Variants in ARHGEF28 observed in about 807,000 individuals in gnomAD.
The protein encoded by ARHGEF28 is 190 kDa guanine nucleotide exchange factor.
ARHGEF28 carries 152 observed loss-of-function variants against 206.6 expected under a neutral mutation model. The ratio of observed to expected loss-of-function variants is 0.74; its 90% CI spans 0.64 to 0.84. The LOEUF is 0.84. ARHGEF28 is among the 40% of genes least tolerant of loss of function. The pLI is 0.00. For synonymous variants in ARHGEF28, 763 were observed against 776.4 expected, an observed-to-expected ratio of 0.98 and a Z score of 0.29; for missense variants, 2,028 against 2,073.2, an observed-to-expected ratio of 0.98 and a Z score of 0.42.
intron 7 of ARHGEF28, among the ~76,000 whole-genome samples, chr5:73,791,313 A>G (rs1415972190): frequency 6.6e-6 from 1 of 152,244 alleles, no homozygotes; most frequent in African/African-American, 2.4e-5. Flanking sequence ...CATGTATGCC[A>G]GAGAGGCACA....
Position 73,909,677 on chromosome 5 carries a change from A to G in ARHGEF28, c.4427A>G (p.Glu1476Gly). 1 of 1,540,278 alleles carries G rather than the reference A, an allele frequency of 6.5e-7. No homozygotes were observed. The highest frequency in any genetic ancestry group is 1.2e-5 in the South Asian group (1 of 83,778). Residue 1476 changes from glutamate (E) to glycine (G), a missense_variant, in exon 34 of 36, where the codon GAG (glutamate) becomes GGG (glycine). This residue lies in a region of ARHGEF28 where 803 missense variants were observed against 768.0 expected (regional missense o/e 1.05). Coordinates refer to ENST00000513042, the MANE Select transcript of ARHGEF28 (RefSeq NM_001177693.2). ...ATRESWLQER[E>G]RECQSQEELL... ...AGGGAGAGCTGGCTGCAGGAGCGGG[A>G]GCGGGAGTGCCAGTCGCAGGAGGAG...
chr5:73,759,438 C>T (rs1034281814), intron 4 of ARHGEF28, among the ~76,000 whole-genome samples: 12 of 152,144 alleles, frequency 7.9e-5, no homozygotes, highest in African/African-American at 2.9e-4. Flanking sequence ...ACGCTCTGCT[C>T]TTGCCTGAAT....
At position 73,893,209 on chromosome 5, in the gene ARHGEF28, A is replaced by G. The variant is rs1199575586; in HGVS notation, c.3579A>G (p.Glu1193=). 2 of 1,551,440 alleles carry G rather than the reference A, an allele frequency of 1.3e-6. No homozygotes were observed. The highest frequency in any genetic ancestry group is 2.5e-5 in the South Asian group (2 of 81,624). ...IQQAVESCPE[E]KGGRTSESDE... Reference sequence around the variant, plus strand: ...TTGTCTTTTAAAGTTGTCCTGAAGAAAAAGGGGGAAGGACAAGTGAATCTG... The same window carrying G: ...TTGTCTTTTAAAGTTGTCCTGAAGAGAAAGGGGGAAGGACAAGTGAATCTG... The change falls in exon 28 of 36, where the codon GAA becomes GAG. Residue 1193 remains glutamate, a synonymous_variant. Coordinates refer to ENST00000513042, the MANE Select transcript of ARHGEF28 (RefSeq NM_001177693.2).
chr5:73,857,891 A>G, intron 15 of ARHGEF28, 112 bp downstream of exon 15: 2 of 1,410,186 alleles, frequency 1.4e-6, no homozygotes, highest in East Asian at 2.4e-5. Context: ...TTTTATTTAC[A>G]CATATTTCTT....
chr5:73,711,692 G>T (rs1749254521), intron 2 of ARHGEF28, among the ~76,000 whole-genome samples: 1 of 152,036 alleles, frequency 6.6e-6, no homozygotes, highest in African/African-American at 2.4e-5. Context: ...CTTATTAGTT[G>T]TAAGAGCTTT....
intron 35 of ARHGEF28, among the ~76,000 whole-genome samples, chr5:73,936,699 T>G (rs779367743): frequency 2.0e-5 from 3 of 152,200 alleles, no homozygotes; most frequent in Non-Finnish European, 4.4e-5. Flanking sequence ...CATCACAGTT[T>G]AGGAGGCACT....
At position 73,684,579 on chromosome 5, in the gene ARHGEF28, G is replaced by T. The variant is rs115473721; in HGVS notation, c.-11-262G>T. Among the ~76,000 whole-genome samples the T allele has an allele frequency of 1.8e-3, 277 of 152,164 alleles. 1 individual carries two copies. The highest frequency in any genetic ancestry group is 6.5e-3 in the African/African-American group (271 of 41,526). On this transcript the variant is annotated intron_variant, in intron 1 of 35. Transcript: ENST00000513042. ...TTGAGTCCCTGCTTTCAATTCTTTGGGTATATACCTGGAAGTAGAATTGCT... is the reference window on the plus strand; with the variant it reads ...TTGAGTCCCTGCTTTCAATTCTTTGTGTATATACCTGGAAGTAGAATTGCT...
At chr5:73,626,473 C>G (rs1053295994) in intron 1 of ARHGEF28, among the ~76,000 whole-genome samples, 151 bp downstream of exon 1, 5 of 152,092 alleles carry the variant, frequency 3.3e-5, no homozygotes, top group Non-Finnish European at 5.9e-5. Flanking sequence ...CCGCTGCAGG[C>G]GCTGCGGCGC....
rs114138232 is a variant in ARHGEF28, at chr5:73,861,589, C to T, written c.2048-3228C>T. Among the ~76,000 whole-genome samples, 616 of 152,338 alleles carry T rather than the reference C, an allele frequency of 4.0e-3. 4 individuals carry two copies. Among genetic ancestry groups the T allele is most frequent in the African/African-American group, 0.013 (548 of 41,572 alleles). The stretch of plus-strand genomic sequence containing the variant: ...CTGGGACTATAGGCACATGCCACAA[C>T]ACCCAGCTATATGTGAGATTTTAAT... On this transcript the variant is annotated intron_variant, in intron 16 of 35. Coordinates refer to ENST00000513042, the MANE Select transcript of ARHGEF28 (RefSeq NM_001177693.2).
In ARHGEF28 at chr5:73,773,898, G is replaced by C. The variant is rs1430333614; in HGVS notation, c.519G>C (p.Trp173Cys). The change falls in exon 5 of 36, where the codon TGG becomes TGC. Residue 173 changes from tryptophan (W) to cysteine (C), a missense_variant. Trp to Cys is a radical substitution (Grantham distance 215). Around this residue, in one of 3 missense-constraint regions of ARHGEF28, gnomAD observed 1,002 missense variants for 1,015.3 expected, o/e 0.99. Coordinates refer to ENST00000513042, the MANE Select transcript of ARHGEF28 (RefSeq NM_001177693.2). Reference protein sequence around the residue: ...RESLLHLAMRWGLAKLSQFFL... With the variant: ...RESLLHLAMRCGLAKLSQFFL... ...CTCTTCTACACCTGGCTATGAGATGGGGCCTGGCTAAACTTTCCCAGTTCT... is the reference window on the plus strand; with the variant it reads ...CTCTTCTACACCTGGCTATGAGATGCGGCCTGGCTAAACTTTCCCAGTTCT... 14 of 1,608,606 alleles carry C rather than the reference G, an allele frequency of 8.7e-6. No homozygotes were observed. Among genetic ancestry groups the C allele is most frequent in the Non-Finnish European group, 1.2e-5 (14 of 1,177,486 alleles).
chr5:73,671,723 TATATATATATATATA>T (rs1355805970), intron 1 of ARHGEF28, among the ~76,000 whole-genome samples: 4 of 8,826 alleles, frequency 4.5e-4, no homozygotes, highest in East Asian at 5.7e-3. Context: ...TATATATATA[TATATATATATATATA>T]TTTTTTTTTT....
At chr5:73,894,814 T>A (rs1761864348) in intron 29 of ARHGEF28, among the ~76,000 whole-genome samples, 1 of 152,146 alleles carries the variant, frequency 6.6e-6, no homozygotes, top group Admixed American at 6.5e-5. Flanking sequence ...GTGATGGAGT[T>A]GGGATCGCTC....
At chr5:73,719,938 G>T (rs1159656562) in intron 2 of ARHGEF28, among the ~76,000 whole-genome samples, 1 of 152,186 alleles carries the variant, frequency 6.6e-6, no homozygotes, top group Non-Finnish European at 1.5e-5. Flanking sequence ...ATGACTAGTT[G>T]CCAGGTGTCA....
At chr5:73,898,246 C>G (rs1189870326) in intron 30 of ARHGEF28, 153 bp downstream of exon 30, 1 of 903,024 alleles carries the variant, frequency 1.1e-6, no homozygotes, top group Non-Finnish European at 1.6e-6. Flanking sequence ...ATATGCTAGC[C>G]TAAATGAATA....
At position 73,909,761 on chromosome 5, in the gene ARHGEF28, T is replaced by C. The variant is rs1465566100; in HGVS notation, c.4511T>C (p.Leu1504Pro). Reference protein sequence around the residue: ...DLQLQEYQHSLERLREGQRLV... With the variant: ...DLQLQEYQHSPERLREGQRLV... ...CAGCTCCAGGAGTACCAGCACAGCCTGGAGCGGCTGAGGGAGGGCCAGCGC... is the reference window on the plus strand; with the variant it reads ...CAGCTCCAGGAGTACCAGCACAGCCCGGAGCGGCTGAGGGAGGGCCAGCGC... The change falls in exon 34 of 36, where the codon CTG becomes CCG. Residue 1504 changes from leucine (L) to proline (P), a missense_variant. Leu to Pro is a moderately conservative substitution (Grantham distance 98, BLOSUM62 -3). Coordinates refer to ENST00000513042, the MANE Select transcript of ARHGEF28 (RefSeq NM_001177693.2). 6.6e-7 allele frequency: 1 copy of C among 1,512,304 alleles called. No individual in the cohort carries two copies. The highest frequency in any genetic ancestry group is 8.8e-7 in the Non-Finnish European group (1 of 1,131,970). 93.7% of individuals were successfully genotyped at this position (1,512,304 alleles called of 1,614,324 possible).
chr5:73,738,222 G>C (rs189491019), intron 2 of ARHGEF28, among the ~76,000 whole-genome samples: 56 of 152,272 alleles, frequency 3.7e-4, no homozygotes, highest in African/African-American at 1.3e-3. Flanking sequence ...GTAGCTTGGG[G>C]GAGTGGGAAA....
At chr5:73,696,430 A>G (rs959987521) in intron 2 of ARHGEF28, among the ~76,000 whole-genome samples, 2 of 152,136 alleles carry the variant, frequency 1.3e-5, no homozygotes, top group Non-Finnish European at 2.9e-5. Context: ...TCCCCTTTGT[A>G]TAATTGAATT....
rs144067531 is a variant in ARHGEF28, at chr5:73,751,703, G to A, written c.182-1206G>A. On this transcript the variant is annotated intron_variant, in intron 3 of 35. Transcript: ENST00000513042. ...AATATAATCTTTTGTTTATATTGTG[G>A]TCTACTTAAAAGTGAGGTTTCTTAT... is the stretch of plus-strand genomic sequence containing the variant. 1.4e-4 allele frequency among the ~76,000 whole-genome samples: 21 copies of A among 152,092 alleles called. No homozygotes were observed. In the East Asian group the frequency reaches 2.9e-3, roughly 21 times the overall value.
intron 7 of ARHGEF28, among the ~76,000 whole-genome samples, chr5:73,784,210 C>A (rs1754016485): frequency 6.6e-6 from 1 of 151,708 alleles, no homozygotes; most frequent in Non-Finnish European, 1.5e-5. Context: ...GCTTTTCTGT[C>A]CCCTCTGGGA....
Sources: allele counts gnomAD v4.1 joint callset (sites outside exome capture counted in the v4.1 genomes callset), GRCh38; gene constraint gnomAD v4.1.1; regional missense constraint gnomAD v4.1.1; transcripts MANE v1.5; gene names NCBI Gene and HGNC (gene_info 2026-07-23, HGNC 2026-07-21).